The following AGBL4 variants were observed in gnomAD, a reference collection of about 807,000 sequenced individuals.
AGBL4 encodes the protein AGBL carboxypeptidase 4.
Under a neutral mutation model 66.4 loss-of-function variants are expected in AGBL4, and 58 were observed. That is an observed-to-expected ratio of 0.87 (90% CI 0.71 to 1.09). AGBL4 has a LOEUF of 1.09. AGBL4 is among the 50% of genes least tolerant of loss of function. The pLI is 0.00. For missense variants in AGBL4, 579 were observed against 631.0 expected (o/e 0.92, Z 0.88); for synonymous variants, 234 against 222.9 (o/e 1.05, Z -0.44).
intron 5 of AGBL4, among the ~76,000 whole-genome samples, chr1:48,868,544 G>T (rs1271683397): frequency 6.6e-6 from 1 of 152,162 alleles, no homozygotes; most frequent in Non-Finnish European, 1.5e-5. Context: ...TCTGACTCTA[G>T]AGTCCAAAAT....
chr1:49,862,109 A>G (rs1423528061), intron 1 of AGBL4, among the ~76,000 whole-genome samples: 1 of 152,186 alleles, frequency 6.6e-6, no homozygotes, highest in Non-Finnish European at 1.5e-5. Flanking sequence ...AGAATTCAAA[A>G]TTGCTGTGTT....
intron 6 of AGBL4, among the ~76,000 whole-genome samples, chr1:48,798,711 A>G (rs1191558934): frequency 6.6e-6 from 1 of 152,198 alleles, no homozygotes; most frequent in Non-Finnish European, 1.5e-5. Context: ...ATGAAGATCC[A>G]GTTTCATTCT....
At chr1:48,762,042 C>T (rs1644281291) in intron 6 of AGBL4, among the ~76,000 whole-genome samples, 1 of 152,116 alleles carries the variant, frequency 6.6e-6, no homozygotes, top group Non-Finnish European at 1.5e-5. Context: ...TTACTGGTAT[C>T]AAATCTCAGC....
chr1:49,226,501 T>C (rs1487933638), intron 4 of AGBL4, among the ~76,000 whole-genome samples: 1 of 152,160 alleles, frequency 6.6e-6, no homozygotes, highest in Non-Finnish European at 1.5e-5. Flanking sequence ...TACCCTTCCT[T>C]AATGTCTCTC....
rs1275108769 is a variant in AGBL4, at chr1:48,780,143, C to T, written c.634+87048G>A. Among the ~76,000 whole-genome samples, 8 of 151,922 alleles carry T rather than the reference C, an allele frequency of 5.3e-5. No individual in the cohort carries two copies. In the East Asian group the frequency reaches 1.5e-3, roughly 29 times the overall value. On this transcript the variant is annotated intron_variant, in intron 6 of 13. Coordinates refer to ENST00000371839, the MANE Select transcript of AGBL4 (RefSeq NM_032785.4). The stretch of plus-strand genomic sequence containing the variant: ...GCTGCACTCATCAACTCATCAACTA[C>T]ATTAGGTATTTCTCCTAATGCTATC...
At chr1:49,793,693 G>A (rs1644661950) in intron 2 of AGBL4, among the ~76,000 whole-genome samples, 1 of 151,830 alleles carries the variant, frequency 6.6e-6, no homozygotes, top group African/African-American at 2.4e-5. Flanking sequence ...AAGATGTTAA[G>A]CAGACAGCTG....
intron 2 of AGBL4, among the ~76,000 whole-genome samples, chr1:49,836,974 C>T (rs1244507159): frequency 6.6e-6 from 1 of 152,182 alleles, no homozygotes; most frequent in Non-Finnish European, 1.5e-5. Context: ...GAGGCACCTG[C>T]CAGATGCCAA....
chr1:48,676,349 C>A (rs1301828634), intron 6 of AGBL4, among the ~76,000 whole-genome samples: 1 of 152,228 alleles, frequency 6.6e-6, no homozygotes, highest in Non-Finnish European at 1.5e-5. Context: ...GGTGAATGAG[C>A]ATAATGGTAA....
chr1:49,237,125 T>C (rs1209276722), intron 4 of AGBL4, among the ~76,000 whole-genome samples: 2 of 151,524 alleles, frequency 1.3e-5, no homozygotes, highest in African/African-American at 4.8e-5. Context: ...TAGCTGGACA[T>C]GGTGGCAGGC....
chr1:48,947,842 CTCT>C (rs1451928502), intron 5 of AGBL4, among the ~76,000 whole-genome samples: 1 of 142,144 alleles, frequency 7.0e-6, no homozygotes, highest in African/African-American at 3.0e-5. Flanking sequence ...TTTTTTTTTT[CTCT>C]CTCTCTTTTT....
chr1:49,700,324 T>G (rs542653872), intron 2 of AGBL4, among the ~76,000 whole-genome samples: 1 of 151,020 alleles, frequency 6.6e-6, no homozygotes, highest in South Asian at 2.1e-4. Flanking sequence ...GATAGATAGA[T>G]AGATAGATAG....
At chr1:49,930,896 T>A (rs1209400660) in intron 1 of AGBL4, among the ~76,000 whole-genome samples, 2 of 152,154 alleles carry the variant, frequency 1.3e-5, no homozygotes, top group Non-Finnish European at 2.9e-5. Flanking sequence ...GTATTTGAAA[T>A]TTGAGCCAGG....
intron 4 of AGBL4, among the ~76,000 whole-genome samples, chr1:49,197,481 T>C (rs1172497135): frequency 1.3e-5 from 2 of 152,156 alleles, no homozygotes; most frequent in African/African-American, 2.4e-5. Flanking sequence ...CAGTAGAGTT[T>C]ATGCTAAATC....
intron 8 of AGBL4, among the ~76,000 whole-genome samples, chr1:48,636,588 C>T (rs1424045910): frequency 1.3e-5 from 2 of 152,242 alleles, no homozygotes; most frequent in African/African-American, 2.4e-5. Context: ...CCTCTGACTA[C>T]ATTAAATTGT....
At chr1:49,788,610 C>T (rs1326839152) in intron 2 of AGBL4, among the ~76,000 whole-genome samples, 2 of 151,684 alleles carry the variant, frequency 1.3e-5, no homozygotes, top group Non-Finnish European at 2.9e-5. Context: ...AATTATAGAC[C>T]TAAAACTTAC....
intron 3 of AGBL4, among the ~76,000 whole-genome samples, chr1:49,246,913 T>C (rs955408254): frequency 1.3e-5 from 2 of 152,172 alleles, no homozygotes; most frequent in East Asian, 1.9e-4. Flanking sequence ...ATTTACTGCG[T>C]GAGGTATTAT....
At chr1:49,623,383 C>T (rs139362889) in intron 3 of AGBL4, among the ~76,000 whole-genome samples, 96 of 152,298 alleles carry the variant, frequency 6.3e-4, no homozygotes, top group Middle Eastern at 3.4e-3. Flanking sequence ...AAATCAGCTT[C>T]AGAAAGCAGT....
At chr1:48,848,621 A>C (rs1646969478) in intron 6 of AGBL4, among the ~76,000 whole-genome samples, 2 of 152,224 alleles carry the variant, frequency 1.3e-5, no homozygotes, top group African/African-American at 4.8e-5. Context: ...CCTGCAAAAT[A>C]ACATGCTGAT....
chr1:49,230,458 T>C (rs1039043572), intron 4 of AGBL4, among the ~76,000 whole-genome samples: 3 of 152,196 alleles, frequency 2.0e-5, no homozygotes, highest in Admixed American at 6.5e-5. Context: ...TCCAGAGACA[T>C]TATCACTGTT....
Sources: gnomAD v4.1 joint callset for allele counts (sites outside exome capture counted in the v4.1 genomes callset) on GRCh38, gnomAD v4.1.1 for gene constraint, MANE v1.5 for transcripts, NCBI Gene and HGNC (gene_info 2026-07-23, HGNC 2026-07-21) for gene names.